PTPRD: variants seen among roughly 807,000 people sequenced by gnomAD.
PTPRD encodes receptor-type tyrosine-protein phosphatase delta.
Under a neutral mutation model 214.5 loss-of-function variants are expected in PTPRD, and 34 were observed. The observed-to-expected ratio is 0.16, with a 90% confidence interval of 0.12 to 0.21. The LOEUF is 0.21. PTPRD is among the 10% of genes least tolerant of loss of function. PTPRD has a pLI of 1.00. For missense variants in PTPRD, 2,545 were observed against 2,398.7 expected (o/e 1.06, Z -1.27); for synonymous variants, 1,128 against 845.7 (o/e 1.33, Z -5.79).
chr9:9,436,719 T>C (rs1327632951), intron 8 of PTPRD, among the ~76,000 whole-genome samples: 3 of 152,112 alleles, frequency 2.0e-5, no homozygotes, highest in Non-Finnish European at 4.4e-5. Context: ...AGTTGGAATA[T>C]TTTATGAACA....
chr9:9,110,722 G>A (rs1011641507), intron 10 of PTPRD, among the ~76,000 whole-genome samples: 1 of 152,072 alleles, frequency 6.6e-6, no homozygotes, highest in African/African-American at 2.4e-5. Context: ...AACTCAGCCT[G>A]TACTTTGGAA....
At chr9:9,537,650 T>C (rs1321785672) in intron 8 of PTPRD, among the ~76,000 whole-genome samples, 1 of 151,990 alleles carries the variant, frequency 6.6e-6, no homozygotes, top group Non-Finnish European at 1.5e-5. Context: ...ACTGTAAAGA[T>C]ATGGCTAAGG....
At chr9:10,263,019 C>T (rs941491799) in intron 3 of PTPRD, among the ~76,000 whole-genome samples, 2 of 152,162 alleles carry the variant, frequency 1.3e-5, no homozygotes, top group Non-Finnish European at 2.9e-5. Context: ...TCACTTGGCT[C>T]TCATGATCTC....
At chr9:10,487,950 C>A (rs1229930118) in intron 2 of PTPRD, among the ~76,000 whole-genome samples, 1 of 147,016 alleles carries the variant, frequency 6.8e-6, no homozygotes, top group African/African-American at 2.5e-5. Context: ...CCCTTAATTT[C>A]TCCCAAATGA....
At position 9,371,577 on chromosome 9, in the gene PTPRD, T is replaced by G. The variant is rs537411665; in HGVS notation, c.-203+25872A>C. 3.9e-5 allele frequency among the ~76,000 whole-genome samples: 6 copies of G among 152,324 alleles called. No homozygotes were observed. The East Asian group carries it at 7.7e-4, about 20-fold the overall frequency. On this transcript the variant is annotated intron_variant, in intron 9 of 45. Transcript: ENST00000381196. ...TCAAAAAACCAGCTCCTGGATTCAT[T>G]GATTTTTTGAAGGGTTTTTTGTGTC...
At chr9:9,040,166 C>T (rs1050799682) in intron 10 of PTPRD, among the ~76,000 whole-genome samples, 10 of 152,124 alleles carry the variant, frequency 6.6e-5, no homozygotes, top group African/African-American at 1.9e-4. Context: ...CTATGAAACT[C>T]AAGTTTATGC....
At chr9:9,934,936 A>C (rs1016719201) in intron 5 of PTPRD, among the ~76,000 whole-genome samples, 40 of 152,232 alleles carry the variant, frequency 2.6e-4, no homozygotes, top group Non-Finnish European at 2.9e-5. Context: ...GCAAATCAAT[A>C]AATATAATCC....
intron 2 of PTPRD, among the ~76,000 whole-genome samples, chr9:10,474,833 C>G (rs1344474358): frequency 6.6e-6 from 1 of 152,110 alleles, no homozygotes; most frequent in Non-Finnish European, 1.5e-5. Context: ...AAGAAACTCA[C>G]TCAAAACCAC....
chr9:9,536,645 G>A lies in PTPRD; in HGVS notation c.-237+38087C>T, dbSNP rs1336757429. ...CTGAAAGCTTTTGAAGGTAAGCAGC[G>A]CCGTCATCATTTTGGCATTCTATTT... On this transcript the variant is annotated intron_variant, in intron 8 of 45. Transcript: ENST00000381196. Among the ~76,000 whole-genome samples the A allele has an allele frequency of 7.9e-5, 12 of 152,110 alleles. No homozygotes were observed. In the East Asian group the frequency reaches 2.1e-3, roughly 27 times the overall value.
intron 8 of PTPRD, among the ~76,000 whole-genome samples, chr9:9,568,497 A>T (rs1387960620): frequency 6.6e-6 from 1 of 151,890 alleles, no homozygotes; most frequent in African/African-American, 2.4e-5. Flanking sequence ...TACCTGACTG[A>T]AAATATGGAC....
At chr9:8,771,736 T>C (rs7024461) in intron 11 of PTPRD, among the ~76,000 whole-genome samples, 7,221 of 152,040 alleles carry the variant, frequency 0.047, 440 homozygotes, top group African/African-American at 0.14. Context: ...TGCATGCACG[T>C]ATACATATGT....
intron 11 of PTPRD, among the ~76,000 whole-genome samples, chr9:9,010,904 A>G (rs1351516848): frequency 6.6e-6 from 1 of 152,186 alleles, no homozygotes; most frequent in Non-Finnish European, 1.5e-5. Flanking sequence ...ATTGCACAAC[A>G]GCCACCAAGG....
rs369970696 is a variant in PTPRD, at chr9:8,516,574, G to GTA, written c.1543+1272_1543+1273dup. ...CAGGTATCAGTGAAATAGATGATAG[G>GTA]TACATTATCTAGTACTGGCATCTGA... On this transcript the variant is annotated intron_variant, in intron 21 of 45. Coordinates refer to ENST00000381196, the MANE Select transcript of PTPRD (RefSeq NM_002839.4). Among the ~76,000 whole-genome samples the GTA allele has an allele frequency of 2.0e-3, 301 of 152,114 alleles. 4 individuals carry two copies. Among genetic ancestry groups the GTA allele is most frequent in the African/African-American group, 6.4e-3 (267 of 41,512 alleles).
intron 3 of PTPRD, among the ~76,000 whole-genome samples, chr9:10,166,939 G>A (rs1293942448): frequency 6.6e-6 from 1 of 151,986 alleles, no homozygotes; most frequent in Non-Finnish European, 1.5e-5. Context: ...TGCAAATTCT[G>A]TAAGACTATT....
At chr9:9,699,965 T>G (rs148228621) in intron 7 of PTPRD, among the ~76,000 whole-genome samples, 139 of 152,304 alleles carry the variant, frequency 9.1e-4, no homozygotes, top group African/African-American at 2.9e-3. Flanking sequence ...CAGAATTATT[T>G]ATGAATTCAA....
intron 10 of PTPRD, among the ~76,000 whole-genome samples, chr9:9,035,238 T>C (rs971404544): frequency 1.3e-5 from 2 of 152,148 alleles, no homozygotes; most frequent in Non-Finnish European, 2.9e-5. Flanking sequence ...GGAGGCTTAA[T>C]TCCTCCTGCT....
intron 10 of PTPRD, among the ~76,000 whole-genome samples, chr9:9,121,312 G>C (rs9886879): frequency 0.055 from 8,310 of 152,202 alleles, 521 homozygotes; most frequent in African/African-American, 0.15. Flanking sequence ...ATTGAGCAAT[G>C]ACACTACTGG....
chr9:8,479,032 C>G (rs72693000), intron 30 of PTPRD, among the ~76,000 whole-genome samples: 311 of 152,300 alleles, frequency 2.0e-3, no homozygotes, highest in Non-Finnish European at 3.8e-3. Flanking sequence ...GCCCACCGTT[C>G]TGGAATGAGT....
intron 14 of PTPRD, among the ~76,000 whole-genome samples, chr9:8,570,958 T>C (rs182611926): frequency 3.9e-4 from 59 of 152,060 alleles, no homozygotes; most frequent in African/African-American, 1.3e-3. Flanking sequence ...AAGTCCATTA[T>C]ACTTAAACAC....
Sources: allele counts gnomAD v4.1 joint callset (sites outside exome capture counted in the v4.1 genomes callset), GRCh38; gene constraint gnomAD v4.1.1; transcripts MANE v1.5; gene names NCBI Gene and HGNC (gene_info 2026-07-23, HGNC 2026-07-21).